Variants in DYRK1A observed in about 807,000 individuals in gnomAD.
DYRK1A encodes the protein dual specificity tyrosine phosphorylation regulated kinase 1A.
Under a neutral mutation model 79.7 loss-of-function variants are expected in DYRK1A, and 9 were observed. The ratio of observed to expected loss-of-function variants is 0.11; its 90% CI spans 0.07 to 0.20. The LOEUF is 0.20. Ranked by LOEUF, DYRK1A falls within the 10% of genes least tolerant of loss-of-function variation. The pLI, the probability that DYRK1A is intolerant of heterozygous loss-of-function variation, is 1.00. For missense variants in DYRK1A, 622 were observed against 956.0 expected (o/e 0.65, Z 4.61); for synonymous variants, 349 against 329.7 (o/e 1.06, Z -0.63).
chr21:37,378,126 G>T (rs2049584869), intron 1 of DYRK1A, among the ~76,000 whole-genome samples: 1 of 152,144 alleles, frequency 6.6e-6, no homozygotes, highest in African/African-American at 2.4e-5. Context: ...TAGTTGTTTG[G>T]ATTTGCATTT....
intron 1 of DYRK1A, among the ~76,000 whole-genome samples, chr21:37,402,527 A>G (rs2050072292): frequency 6.6e-6 from 1 of 152,076 alleles, no homozygotes. Flanking sequence ...GCTGCTTTCA[A>G]GATTTTCTAT....
chr21:37,478,337 AGT>A (rs763110531), intron 4 of DYRK1A, 37 bp downstream of exon 4: 4 of 1,594,278 alleles, frequency 2.5e-6, no homozygotes, highest in South Asian at 1.1e-5. Flanking sequence ...TCTATCTTGC[AGT>A]ATGTCATTGA....
At chr21:37,404,908 G>C (rs542941132) in intron 1 of DYRK1A, among the ~76,000 whole-genome samples, 1 of 152,312 alleles carries the variant, frequency 6.6e-6, no homozygotes, top group Admixed American at 6.5e-5. Context: ...CATGGCTGGG[G>C]TGGGATTGTG....
At chr21:37,427,370 C>T (rs905083436) in intron 2 of DYRK1A, among the ~76,000 whole-genome samples, 2 of 152,178 alleles carry the variant, frequency 1.3e-5, no homozygotes, top group African/African-American at 4.8e-5. Context: ...GTGATTCTTC[C>T]GCCTTAACCT....
intron 6 of DYRK1A, among the ~76,000 whole-genome samples, chr21:37,489,964 C>T (rs2053022729): frequency 6.6e-6 from 1 of 152,150 alleles, no homozygotes; most frequent in Admixed American, 6.5e-5. Flanking sequence ...CACTTACCGA[C>T]ATATGCTGTA....
Position 37,490,209 on chromosome 21 carries a change from T to C in DYRK1A, c.672T>C (p.His224=), listed in dbSNP as rs113868802. Residue 224 remains histidine, a synonymous_variant, in exon 7 of 12, where the codon CAT becomes CAC. Transcript: ENST00000647188. ...AACGCCACTTTATGTTTCGAAACCA[T>C]CTCTGTTTAGTTTTTGAAATGCTGT... The part of the protein sequence containing the change: ...HLKRHFMFRN[H]LCLVFEMLSY... 5 of 1,613,444 alleles carry C rather than the reference T, an allele frequency of 3.1e-6. No individual in the cohort carries two copies. Among genetic ancestry groups the C allele is most frequent in the Non-Finnish European group, 4.2e-6 (5 of 1,179,620 alleles).
intron 1 of DYRK1A, among the ~76,000 whole-genome samples, chr21:37,408,325 A>G (rs976761695): frequency 2.0e-5 from 3 of 152,208 alleles, no homozygotes; most frequent in African/African-American, 7.2e-5. Flanking sequence ...GAAAAACTCA[A>G]TGGCAAGAAA....
chr21:37,408,245 CACTTATTTTGTGGTTTGAAGATG>C, intron 1 of DYRK1A, among the ~76,000 whole-genome samples: 1 of 152,290 alleles, frequency 6.6e-6, no homozygotes, highest in East Asian at 1.9e-4. Flanking sequence ...TCCAGTAGCT[CACTTATTTTGTGGTTTGAAGATG>C]ACTGTACTTC....
chr21:37,394,252 ATTT>A, intron 1 of DYRK1A, among the ~76,000 whole-genome samples: 1 of 137,602 alleles, frequency 7.3e-6, no homozygotes, highest in Non-Finnish European at 1.6e-5. Flanking sequence ...ATTTTTTTAA[ATTT>A]TATTATTATT....
chr21:37,384,078 G>A (rs546763330), intron 1 of DYRK1A, among the ~76,000 whole-genome samples: 33 of 152,210 alleles, frequency 2.2e-4, no homozygotes, highest in African/African-American at 7.0e-4. Context: ...CCAGTTTTCT[G>A]CTTGAAGGCA....
At chr21:37,395,700 G>A (rs1050569267) in intron 1 of DYRK1A, among the ~76,000 whole-genome samples, 4 of 152,056 alleles carry the variant, frequency 2.6e-5, no homozygotes, top group African/African-American at 7.3e-5. Context: ...GGAAACCTTA[G>A]GATGTGATTT....
intron 1 of DYRK1A, among the ~76,000 whole-genome samples, chr21:37,402,233 T>C (rs2050066521): frequency 6.6e-6 from 1 of 152,248 alleles, no homozygotes; most frequent in Non-Finnish European, 1.5e-5. Flanking sequence ...TGTTTCCATT[T>C]GGTATCAGTT....
intron 11 of DYRK1A, among the ~76,000 whole-genome samples, chr21:37,510,668 TC>T (rs1427860916): frequency 6.6e-6 from 1 of 152,148 alleles, no homozygotes; most frequent in African/African-American, 2.4e-5. Context: ...GAATAGGTGT[TC>T]AGGTTAGTGG....
chr21:37,408,594 C>T lies in DYRK1A; in HGVS notation c.-76-11705C>T, dbSNP rs551168405. Among the ~76,000 whole-genome samples the T allele has an allele frequency of 1.3e-4, 20 of 152,270 alleles. No individual in the cohort carries two copies. In the East Asian group the frequency reaches 2.1e-3, roughly 16 times the overall value. ...AATTTTTTTTAGCACATAGAACAGT[C>T]ATTCTCTATAGCAAAAGTACTAGCT... is the stretch of plus-strand genomic sequence containing the variant. On this transcript the variant is annotated intron_variant, in intron 1 of 11. Transcript: ENST00000647188.
At chr21:37,430,155 T>C (rs1361741880) in intron 2 of DYRK1A, 1 of 288,818 alleles carries the variant, frequency 3.5e-6, no homozygotes, top group Non-Finnish European at 5.2e-6. Context: ...TAGAGCCCTT[T>C]ATATTTCTTT....
chr21:37,480,363 T>C (rs2052592976), intron 4 of DYRK1A, among the ~76,000 whole-genome samples: 1 of 152,204 alleles, frequency 6.6e-6, no homozygotes, highest in Non-Finnish European at 1.5e-5. Context: ...ATATAAATTA[T>C]ACTTCAATTT....
intron 1 of DYRK1A, among the ~76,000 whole-genome samples, chr21:37,372,658 C>T (rs1289436387): frequency 1.3e-5 from 2 of 152,062 alleles, no homozygotes; most frequent in African/African-American, 4.8e-5. Context: ...CATCAGTTCC[C>T]TCATCTGTAA....
At chr21:37,391,070 A>T (rs1385621828) in intron 1 of DYRK1A, among the ~76,000 whole-genome samples, 1 of 152,242 alleles carries the variant, frequency 6.6e-6, no homozygotes, top group Non-Finnish European at 1.5e-5. Flanking sequence ...AAGTCTAATT[A>T]TTAAAAGTTT....
At chr21:37,369,262 C>G (rs1433726589) in intron 1 of DYRK1A, among the ~76,000 whole-genome samples, 2 of 152,040 alleles carry the variant, frequency 1.3e-5, no homozygotes, top group African/African-American at 4.8e-5. Context: ...TGTTTAATTT[C>G]TCATGTCTTG....
Sources: allele counts gnomAD v4.1 joint callset (sites outside exome capture counted in the v4.1 genomes callset), GRCh38; gene constraint gnomAD v4.1.1; transcripts MANE v1.5; gene names NCBI Gene and HGNC (gene_info 2026-07-23, HGNC 2026-07-21).